The following NEBL variants were observed in gnomAD, a reference collection of about 807,000 sequenced individuals.
NEBL encodes the protein nebulette, also known as LIM and SH3 protein 2.
Under a neutral mutation model 140.2 loss-of-function variants are expected in NEBL, and 122 were observed. The ratio of observed to expected loss-of-function variants is 0.87; its 90% CI spans 0.75 to 1.01. NEBL has a LOEUF of 1.01. NEBL is among the 50% of genes least tolerant of loss of function. NEBL has a pLI of 0.00. For synonymous variants in NEBL, 436 were observed against 398.9 expected, an observed-to-expected ratio of 1.09 and a Z score of -1.11; for missense variants, 1,365 against 1,231.3, an observed-to-expected ratio of 1.11 and a Z score of -1.62.
intron 5 of NEBL, among the ~76,000 whole-genome samples, chr10:20,870,150 A>C (rs937341041): frequency 1.3e-5 from 2 of 151,892 alleles, no homozygotes; most frequent in Non-Finnish European, 2.9e-5. Flanking sequence ...AACATGGTGA[A>C]ACCCCATCTC....
chr10:20,807,557 A>C (rs549160548), intron 26 of NEBL, among the ~76,000 whole-genome samples: 1 of 152,330 alleles, frequency 6.6e-6, no homozygotes, highest in East Asian at 1.9e-4. Flanking sequence ...TTTCACTGTA[A>C]TGAGTGCAGA....
intron 2 of NEBL, among the ~76,000 whole-genome samples, chr10:21,102,617 A>G (rs1837525550): frequency 6.6e-6 from 1 of 151,942 alleles, no homozygotes; most frequent in Non-Finnish European, 1.5e-5. Flanking sequence ...CATTTCTTGG[A>G]TTTTCATTCT....
At chr10:21,197,282 TA>T (rs972992470) in intron 3 of NEBL, among the ~76,000 whole-genome samples, 1 of 152,240 alleles carries the variant, frequency 6.6e-6, no homozygotes, top group Non-Finnish European at 1.5e-5. Flanking sequence ...TTTGTATATT[TA>T]AAAGCTCCAC....
intron 3 of NEBL, among the ~76,000 whole-genome samples, chr10:21,193,103 A>T (rs1172474470): frequency 6.6e-6 from 1 of 152,102 alleles, no homozygotes; most frequent in Admixed American, 6.5e-5. Flanking sequence ...AATGCACTGA[A>T]CAAGCTCCCA....
intron 3 of NEBL, among the ~76,000 whole-genome samples, chr10:21,211,396 G>A (rs533596085): frequency 2.0e-5 from 3 of 152,258 alleles, no homozygotes; most frequent in South Asian, 2.1e-4. Context: ...TGGGAGGATC[G>A]CTTGAACTTG....
intron 2 of NEBL, among the ~76,000 whole-genome samples, chr10:21,034,218 T>C (rs1338520764): frequency 6.8e-6 from 1 of 146,368 alleles, no homozygotes; most frequent in African/African-American, 2.5e-5. Context: ...AAATACCATA[T>C]TACATTCAGG....
intron 2 of NEBL, among the ~76,000 whole-genome samples, chr10:21,023,288 T>C (rs1245741500): frequency 1.3e-5 from 2 of 152,266 alleles, no homozygotes; most frequent in Non-Finnish European, 2.9e-5. Context: ...CACTGTCAAA[T>C]GTGTTACAGA....
rs140942012 is a variant in NEBL, at chr10:20,870,641, C to A, written c.481-800G>T. Among the ~76,000 whole-genome samples the A allele has an allele frequency of 2.4e-4, 37 of 152,294 alleles. No homozygotes were observed. The East Asian group carries it at 6.4e-3, about 26-fold the overall frequency. ...CATTTGCCCTTTCAACTACACACTT[C>A]TCTCCCTTCAAATGTTCAAAGGCCC... On this transcript the variant is annotated intron_variant, in intron 5 of 27. Coordinates refer to ENST00000377122, the MANE Select transcript of NEBL (RefSeq NM_006393.3).
chr10:20,843,863 A>G (rs1358725490), intron 12 of NEBL, among the ~76,000 whole-genome samples: 4 of 152,126 alleles, frequency 2.6e-5, no homozygotes, highest in Admixed American at 2.6e-4. Flanking sequence ...AGCTTATTAA[A>G]AACATCCAAT....
At chr10:21,226,239 C>A (rs1438379155) in intron 3 of NEBL, among the ~76,000 whole-genome samples, 2 of 151,812 alleles carry the variant, frequency 1.3e-5, no homozygotes, top group African/African-American at 4.8e-5. Context: ...CCTACTGTGG[C>A]TGAGCTGGTA....
chr10:21,148,468 C>A (rs529500403), intron 2 of NEBL, among the ~76,000 whole-genome samples: 1 of 152,170 alleles, frequency 6.6e-6, no homozygotes, highest in Non-Finnish European at 1.5e-5. Context: ...GAAAACAGAA[C>A]CTCTCAGGCA....
chr10:21,185,919 T>G (rs1841462074), intron 3 of NEBL, among the ~76,000 whole-genome samples: 1 of 152,202 alleles, frequency 6.6e-6, no homozygotes, highest in African/African-American at 2.4e-5. Flanking sequence ...GTAGACTATT[T>G]TGACTGAGAA....
At chr10:20,811,523 T>G (rs960686978) in intron 24 of NEBL, among the ~76,000 whole-genome samples, 1 of 152,230 alleles carries the variant, frequency 6.6e-6, no homozygotes. Flanking sequence ...TCCTTTTAAG[T>G]AATCAACTCA....
At chr10:21,095,825 C>T (rs1837161002) in intron 2 of NEBL, among the ~76,000 whole-genome samples, 6 of 152,090 alleles carry the variant, frequency 3.9e-5, no homozygotes, top group Admixed American at 3.9e-4. Flanking sequence ...CTCATGCCTC[C>T]CTCATCCATG....
chr10:20,922,142 G>C (rs1201696039), intron 4 of NEBL, among the ~76,000 whole-genome samples: 2 of 152,160 alleles, frequency 1.3e-5, no homozygotes, highest in Non-Finnish European at 2.9e-5. Context: ...AGGGTCAAGA[G>C]AAAAGCACAT....
intron 4 of NEBL, among the ~76,000 whole-genome samples, chr10:20,887,722 A>G (rs554985220): frequency 6.6e-6 from 1 of 152,100 alleles, no homozygotes; most frequent in African/African-American, 2.4e-5. Context: ...CAGCCCCATT[A>G]TCTCTTTATG....
chr10:21,025,832 A>C (rs1839004341), intron 2 of NEBL, among the ~76,000 whole-genome samples: 1 of 152,218 alleles, frequency 6.6e-6, no homozygotes, highest in African/African-American at 2.4e-5. Flanking sequence ...GGCTTGCTGC[A>C]AAATTCACAC....
chr10:21,230,279 T>C (rs1050970009), intron 3 of NEBL, among the ~76,000 whole-genome samples: 1 of 152,162 alleles, frequency 6.6e-6, no homozygotes, highest in African/African-American at 2.4e-5. Flanking sequence ...ATGGCAACCA[T>C]GTACATTTTC....
chr10:21,243,117 C>A (rs1329500527), intron 3 of NEBL, among the ~76,000 whole-genome samples: 1 of 152,062 alleles, frequency 6.6e-6, no homozygotes, highest in African/African-American at 2.4e-5. Flanking sequence ...TGATGAGTCT[C>A]CACTTAGAAC....
Sources: gnomAD v4.1 joint callset for allele counts (sites outside exome capture counted in the v4.1 genomes callset) on GRCh38, gnomAD v4.1.1 for gene constraint, MANE v1.5 for transcripts, NCBI Gene and HGNC (gene_info 2026-07-23, HGNC 2026-07-21) for gene names.